CMPK1: variants seen among roughly 807,000 people sequenced by gnomAD.
The protein encoded by CMPK1 is cytidine/uridine monophosphate kinase 1, also known as UMP-CMP kinase.
CMPK1 carries 10 observed loss-of-function variants against 25.7 expected under a neutral mutation model. The ratio of observed to expected loss-of-function variants is 0.39; its 90% CI spans 0.24 to 0.66. CMPK1 has a LOEUF of 0.66. CMPK1 is among the 30% of genes least tolerant of loss of function. The pLI is 0.48. For missense variants in CMPK1, 199 were observed against 280.5 expected, an observed-to-expected ratio of 0.71 and a Z score of 2.08; for synonymous variants, 106 against 101.5, an observed-to-expected ratio of 1.04 and a Z score of -0.27.
chr1:47,337,689 C>T (rs1208865700), intron 1 of CMPK1, among the ~76,000 whole-genome samples: 2 of 151,220 alleles, frequency 1.3e-5, no homozygotes, highest in Non-Finnish European at 2.9e-5. Flanking sequence ...TCTTGGCTCG[C>T]TGCAGCCTCC....
At chr1:47,347,711 T>A (rs560117669) in intron 1 of CMPK1, among the ~76,000 whole-genome samples, 1 of 152,152 alleles carries the variant, frequency 6.6e-6, no homozygotes, top group South Asian at 2.1e-4. Flanking sequence ...CTGCAACCTG[T>A]GTCTCCCAGG....
chr1:47,365,388 C>CT (rs1401869669), intron 1 of CMPK1, among the ~76,000 whole-genome samples: 1 of 151,500 alleles, frequency 6.6e-6, no homozygotes, highest in Non-Finnish European at 1.5e-5. Context: ...AATCTCAGCA[C>CT]TTTGAGAAGC....
intron 1 of CMPK1, among the ~76,000 whole-genome samples, chr1:47,360,120 A>G (rs1283745196): frequency 2.6e-5 from 4 of 152,180 alleles, no homozygotes; most frequent in Non-Finnish European, 4.4e-5. Context: ...CCTAAGAGTA[A>G]CAAGACCCCT....
intron 1 of CMPK1, among the ~76,000 whole-genome samples, chr1:47,360,620 A>G (rs914701678): frequency 4.6e-5 from 7 of 152,244 alleles, no homozygotes; most frequent in Admixed American, 1.3e-4. Context: ...ACTTTTATTA[A>G]TTAGTAGTGA....
At chr1:47,357,481 TC>T (rs1646569699) in intron 1 of CMPK1, among the ~76,000 whole-genome samples, 2 of 31,494 alleles carry the variant, frequency 6.4e-5, no homozygotes, top group East Asian at 1.5e-3. Flanking sequence ...ATTAATGGAT[TC>T]TTTTTTTTTT....
Position 47,368,624 on chromosome 1 carries a change from T to A in CMPK1, c.318+9T>A. On this transcript the variant is annotated intron_variant, in intron 2 of 5. Transcript: ENST00000371873. ...TCAGTTTATTAAAGAGGGTAAGGAG[T>A]GTGAATGCCAACCAGTTCAAACCAG... 6.4e-7 allele frequency: 1 copy of A among 1,570,210 alleles called. No homozygotes were observed. The highest frequency in any genetic ancestry group is 8.6e-7 in the Non-Finnish European group (1 of 1,159,204).
At chr1:47,354,669 T>C (rs1336614793) in intron 1 of CMPK1, among the ~76,000 whole-genome samples, 1 of 151,372 alleles carries the variant, frequency 6.6e-6, no homozygotes, top group Non-Finnish European at 1.5e-5. Flanking sequence ...TACAGATAGT[T>C]CTACTTCATA....
intron 1 of CMPK1, among the ~76,000 whole-genome samples, chr1:47,353,535 G>C (rs1025129783): frequency 1.3e-5 from 2 of 152,012 alleles, no homozygotes; most frequent in African/African-American, 4.8e-5. Flanking sequence ...TCATGATTTA[G>C]TTTTAAATTT....
chr1:47,345,209 C>T (rs1467944678), intron 1 of CMPK1, among the ~76,000 whole-genome samples: 2 of 152,252 alleles, frequency 1.3e-5, no homozygotes, highest in South Asian at 2.1e-4. Flanking sequence ...TGAGCCACCA[C>T]GCCTGGCCTT....
At chr1:47,348,776 T>C (rs1570359155) in intron 1 of CMPK1, among the ~76,000 whole-genome samples, 1 of 152,248 alleles carries the variant, frequency 6.6e-6, no homozygotes, top group Admixed American at 6.5e-5. Context: ...TTGATTGGTA[T>C]TGGAAAATGT....
chr1:47,377,516 C>G lies in CMPK1; in HGVS notation c.*771C>G, dbSNP rs543379745. The G allele has an allele frequency of 6.6e-6, 1 of 152,146 alleles. No individual in the cohort carries two copies. Among genetic ancestry groups the G allele is most frequent in the South Asian group, 2.1e-4 (1 of 4,830 alleles). The allele number at this position is 152,146 out of a possible 1,614,324, so 9.4% of individuals were successfully genotyped here. A position where few individuals can be genotyped will look rare whatever the true frequency, so the allele number is the denominator to read the frequency against. On this transcript the variant is annotated 3_prime_UTR_variant, in exon 6 of 6. Coordinates refer to ENST00000371873, the MANE Select transcript of CMPK1 (RefSeq NM_016308.3). ...TGATTCAGCTGATCTTAACAAAATT[C>G]GTAGCAGTGGAACCTTGAAATGCAT... is the stretch of plus-strand genomic sequence containing the variant.
chr1:47,370,803 T>C (rs1441207001), intron 2 of CMPK1, among the ~76,000 whole-genome samples: 1 of 139,370 alleles, frequency 7.2e-6, no homozygotes, highest in South Asian at 2.3e-4. Flanking sequence ...AAAAAAAAAT[T>C]AGTCGGCCGT....
intron 1 of CMPK1, among the ~76,000 whole-genome samples, chr1:47,357,319 A>C (rs1358692151): frequency 1.3e-5 from 2 of 151,904 alleles, no homozygotes; most frequent in African/African-American, 4.8e-5. Context: ...AAGTGTTTTT[A>C]ATTTCTTCAT....
chr1:47,350,929 A>G (rs1253145255), intron 1 of CMPK1, among the ~76,000 whole-genome samples: 1 of 151,750 alleles, frequency 6.6e-6, no homozygotes, highest in Non-Finnish European at 1.5e-5. Context: ...GAAAAGAAAA[A>G]TTGGAAAATA....
At chr1:47,338,517 C>CTCTCTCCCTCCCTCTCTCCT (rs1646416090) in intron 1 of CMPK1, among the ~76,000 whole-genome samples, 1 of 57,264 alleles carries the variant, frequency 1.7e-5, no homozygotes, top group Non-Finnish European at 4.7e-5. Flanking sequence ...CCTTCCTTCC[C>CTCTCTCCCTCCCTCTCTCCT]TCCCTCCCTC....
chr1:47,335,163 C>T (rs1249214339), intron 1 of CMPK1, among the ~76,000 whole-genome samples: 1 of 152,062 alleles, frequency 6.6e-6, no homozygotes, highest in South Asian at 2.1e-4. Flanking sequence ...GTTTTTTTGA[C>T]CTAGAACTTA....
chr1:47,374,960 G>T lies in CMPK1; in HGVS notation c.523G>T (p.Asp175Tyr). Residue 175 changes from aspartate to tyrosine, a missense_variant, in exon 4 of 6, where the codon GAC becomes TAC. Physicochemically the swap from Asp to Tyr is radical, Grantham distance 160. Around this residue, in one of 2 missense-constraint regions of CMPK1, gnomAD observed 140 missense variants for 235.5 expected, o/e 0.59. Coordinates refer to ENST00000371873, the MANE Select transcript of CMPK1 (RefSeq NM_016308.3). ...GGGAAAGAGTAGTGGTAGGAGTGATGACAACAGAGAGAGCTTGGAAAAGAG... is the reference window on the plus strand; with the variant it reads ...GGGAAAGAGTAGTGGTAGGAGTGATTACAACAGAGAGAGCTTGGAAAAGAG... ...ERGKSSGRSDDNRESLEKRIQ... is the reference protein window; with the variant it reads ...ERGKSSGRSDYNRESLEKRIQ... The T allele has an allele frequency of 6.2e-7, 1 of 1,613,058 alleles. No homozygotes were observed. The highest frequency in any genetic ancestry group is 1.1e-5 in the South Asian group (1 of 91,056).
intron 1 of CMPK1, among the ~76,000 whole-genome samples, chr1:47,355,355 T>C (rs1646552555): frequency 6.7e-6 from 1 of 149,378 alleles, no homozygotes; most frequent in East Asian, 2.0e-4. Flanking sequence ...CTTTTTTTTT[T>C]TTTTTTTTTT....
chr1:47,358,104 CTT>C (rs398039948), intron 1 of CMPK1, among the ~76,000 whole-genome samples: 5 of 78,748 alleles, frequency 6.3e-5, no homozygotes, highest in Non-Finnish European at 8.6e-5. Context: ...CATAGTAGGT[CTT>C]TTTTTTTTTT....
Sources: gnomAD v4.1 joint callset for allele counts (sites outside exome capture counted in the v4.1 genomes callset) on GRCh38, gnomAD v4.1.1 for gene constraint, gnomAD v4.1.1 regional missense constraint, MANE v1.5 for transcripts, NCBI Gene and HGNC (gene_info 2026-07-23, HGNC 2026-07-21) for gene names.